Variants in TF observed in about 807,000 individuals in gnomAD.
TF encodes transferrin, also known as serotransferrin.
TF carries 55 observed loss-of-function variants against 82.4 expected under a neutral mutation model. The observed-to-expected ratio is 0.67, with a 90% CI of 0.54 to 0.84. TF has a LOEUF of 0.84. TF is among the 40% of genes least tolerant of loss of function. The probability of loss-of-function intolerance (pLI) is 0.00; values close to 1 mark genes in which losing one functional copy is unlikely to be tolerated. For synonymous variants in TF, 332 were observed against 332.6 expected, an observed-to-expected ratio of 1.00 and a Z score of 0.02; for missense variants, 737 against 868.4, an observed-to-expected ratio of 0.85 and a Z score of 1.90.
upstream of TF, among the ~76,000 whole-genome samples, chr3:133,742,182 A>C (rs1280744195): frequency 6.6e-6 from 1 of 152,018 alleles, no homozygotes; most frequent in Non-Finnish European, 1.5e-5. Flanking sequence ...AGTTCTCACT[A>C]TATTGCCCAG....
intron 12 of TF, 126 bp downstream of exon 12, chr3:133,766,559 A>G (rs1335980611): frequency 7.6e-7 from 1 of 1,320,358 alleles, no homozygotes; most frequent in African/African-American, 1.5e-5. Context: ...ATTTGGTCAA[A>G]GAACAGTAGA....
chr3:133,663,123 A>C, the TF span, among the ~76,000 whole-genome samples: 1 of 151,954 alleles, frequency 6.6e-6, no homozygotes, highest in African/African-American at 2.4e-5. Flanking sequence ...ACCTTGACCT[A>C]TTTTCAGCAA....
intron 5 of TF, 107 bp downstream of exon 5, chr3:133,755,602 G>A (rs1933804985): frequency 5.3e-6 from 8 of 1,510,998 alleles, no homozygotes; most frequent in Admixed American, 1.8e-5. Context: ...CAGGGGCATC[G>A]AGGTGGCCTA....
At chr3:133,674,345 TGCC>T in the TF span, among the ~76,000 whole-genome samples, 1 of 152,182 alleles carries the variant, frequency 6.6e-6, no homozygotes, top group African/African-American at 2.4e-5. Context: ...TCCGGGGTGC[TGCC>T]CCCTTCCCCG....
At chr3:133,739,464 T>C in the TF span, among the ~76,000 whole-genome samples, 16 of 151,998 alleles carry the variant, frequency 1.1e-4, no homozygotes, top group South Asian at 2.9e-3. Context: ...AATTGACAAA[T>C]GGGATCTAAT....
the TF span, among the ~76,000 whole-genome samples, chr3:133,675,114 G>A: frequency 6.6e-6 from 1 of 151,570 alleles, no homozygotes; most frequent in African/African-American, 2.4e-5. Context: ...GTGTGGTGGC[G>A]GGAGACTGTA....
chr3:133,691,530 C>T, the TF span, among the ~76,000 whole-genome samples: 54 of 152,122 alleles, frequency 3.5e-4, no homozygotes, highest in Non-Finnish European at 7.5e-4. Context: ...CCAGCATACA[C>T]GAGATGGTAG....
At chr3:133,689,673 T>C in the TF span, among the ~76,000 whole-genome samples, 1 of 152,200 alleles carries the variant, frequency 6.6e-6, no homozygotes, top group Non-Finnish European at 1.5e-5. Flanking sequence ...GACAGGATAC[T>C]GGCACATATA....
At chr3:133,674,279 G>A in the TF span, among the ~76,000 whole-genome samples, 2 of 152,220 alleles carry the variant, frequency 1.3e-5, no homozygotes, top group Admixed American at 6.5e-5. Context: ...AACCCCCGCG[G>A]ATCTCTCTCT....
the TF span, among the ~76,000 whole-genome samples, chr3:133,724,005 A>C: frequency 6.6e-6 from 1 of 152,098 alleles, no homozygotes; most frequent in African/African-American, 2.4e-5. Context: ...TTATGGCTGC[A>C]TAGTATTCCA....
At chr3:133,708,325 C>T in the TF span, among the ~76,000 whole-genome samples, 1 of 152,078 alleles carries the variant, frequency 6.6e-6, no homozygotes, top group African/African-American at 2.4e-5. Flanking sequence ...TGCAGCAAGA[C>T]TCCGTCTCAA....
chr3:133,694,011 C>T, the TF span, among the ~76,000 whole-genome samples: 31 of 152,168 alleles, frequency 2.0e-4, no homozygotes, highest in South Asian at 2.1e-4. Context: ...GGACCCTGGG[C>T]CACACACTCC....
At chr3:133,777,511 T>G (rs1934426260) in intron 16 of TF, 1 of 439,896 alleles carries the variant, frequency 2.3e-6, no homozygotes, top group Admixed American at 3.6e-5. Context: ...TGGGTTTATG[T>G]GTACATGCCA....
chr3:133,714,981 C>A, the TF span, among the ~76,000 whole-genome samples: 1 of 152,102 alleles, frequency 6.6e-6, no homozygotes, highest in Non-Finnish European at 1.5e-5. Flanking sequence ...CCACACCCAG[C>A]CCTTTAAGTT....
chr3:133,773,637 A>G (rs1194368993), intron 14 of TF: 3 of 152,212 alleles, frequency 2.0e-5, no homozygotes, highest in Non-Finnish European at 4.4e-5. Flanking sequence ...GTGGCATTTT[A>G]TAAATTTCCA....
the TF span, among the ~76,000 whole-genome samples, chr3:133,730,518 AC>A: frequency 1.3e-5 from 2 of 152,206 alleles, no homozygotes; most frequent in Non-Finnish European, 2.9e-5. Context: ...CCTAAGTGGC[AC>A]AGACCTGAGG....
the TF span, chr3:133,699,325 A>G: frequency 2.1e-6 from 1 of 467,138 alleles, no homozygotes; most frequent in Non-Finnish European, 3.9e-6. Flanking sequence ...TTTTTGGAAA[A>G]AAATTCTCCC....
rs944011975 is a variant in TF, at chr3:133,756,280, A to C, written c.636-2A>C. ...CCCTGCTGATGTGTTTCTTTGACCC[A>C]GGTGTCTGAAGGATGGTGCTGGGGA... On this transcript the variant is annotated splice_acceptor_variant, in intron 5 of 16. Coordinates refer to ENST00000402696, the MANE Select transcript of TF (RefSeq NM_001063.4). LOFTEE classifies it high-confidence loss of function. 1 of 1,613,996 alleles carries C rather than the reference A, an allele frequency of 6.2e-7. No homozygotes were observed. Among genetic ancestry groups the C allele is most frequent in the East Asian group, 2.2e-5 (1 of 44,874 alleles).
intron 13 of TF, among the ~76,000 whole-genome samples, chr3:133,769,349 A>G (rs1029224948): frequency 2.6e-5 from 4 of 152,190 alleles, no homozygotes; most frequent in Non-Finnish European, 4.4e-5. Context: ...TGGGGGACTT[A>G]AAATAGAGTT....
Sources: gnomAD v4.1 joint callset for allele counts (sites outside exome capture counted in the v4.1 genomes callset) on GRCh38, gnomAD v4.1.1 for gene constraint, MANE v1.5 for transcripts, NCBI Gene and HGNC (gene_info 2026-07-23, HGNC 2026-07-21) for gene names.